RIMS1: variants seen among roughly 807,000 people sequenced by gnomAD.
RIMS1 encodes the protein regulating synaptic membrane exocytosis 1, also known as regulating synaptic membrane exocytosis protein 1.
In RIMS1, 83 loss-of-function variants were observed where a neutral mutation model predicts 214.1. That is an observed-to-expected ratio of 0.39 (90% confidence interval 0.32 to 0.47). The LOEUF (loss-of-function observed/expected upper bound fraction) is 0.47, where lower values mean the gene tolerates loss of function less well. Among genes scored for constraint, RIMS1 ranks in the 20% least tolerant of loss-of-function variants. The pLI, the probability that RIMS1 is intolerant of heterozygous loss-of-function variation, is 0.99. For missense variants in RIMS1, 2,050 were observed against 2,161.8 expected, an observed-to-expected ratio of 0.95 and a Z score of 1.03; for synonymous variants, 793 against 786.8, an observed-to-expected ratio of 1.01 and a Z score of -0.13.
At position 72,352,989 on chromosome 6, in the gene RIMS1, T is replaced by C. The variant is rs72935551; in HGVS notation, c.4366+19154T>C. The stretch of plus-strand genomic sequence containing the variant: ...AGAGTTTACATTCTTTTTTCTTTTT[T>C]TTTTTTTTTTTTTTTTTTGAGATGG... On this transcript the variant is annotated intron_variant, in intron 29 of 33. Transcript: ENST00000521978. Among the ~76,000 whole-genome samples, 73 of 91,342 alleles carry C rather than the reference T, an allele frequency of 8.0e-4. No homozygotes were observed. The South Asian group carries it at 8.4e-3, about 10-fold the overall frequency. 59.9% of individuals were successfully genotyped at this position (91,342 alleles called of 152,430 possible). A position where few individuals can be genotyped will look rare whatever the true frequency, so the allele number is the denominator to read the frequency against.
At chr6:72,148,749 T>C in intron 4 of RIMS1, 1 of 425,368 alleles carries the variant, frequency 2.4e-6, no homozygotes, top group Admixed American at 2.8e-5. Flanking sequence ...AATCGAAAGC[T>C]CAGGATTGAG....
chr6:71,953,056 G>A (rs1373186758), intron 1 of RIMS1, among the ~76,000 whole-genome samples: 3 of 150,470 alleles, frequency 2.0e-5, no homozygotes, highest in Non-Finnish European at 3.0e-5. Flanking sequence ...GTGCGATCTC[G>A]GCTCACTTCA....
At chr6:72,005,223 G>T (rs1182702957) in intron 2 of RIMS1, among the ~76,000 whole-genome samples, 3 of 152,106 alleles carry the variant, frequency 2.0e-5, no homozygotes, top group African/African-American at 7.2e-5. Flanking sequence ...CTGTTCCATT[G>T]GTCTATATCT....
intron 16 of RIMS1, among the ~76,000 whole-genome samples, chr6:72,256,079 G>A (rs959458856): frequency 6.7e-6 from 1 of 150,346 alleles, no homozygotes; most frequent in Non-Finnish European, 1.5e-5. Flanking sequence ...AAGATAGAGT[G>A]CATGTTGTCA....
At chr6:72,364,376 A>G (rs2097919210) in intron 29 of RIMS1, among the ~76,000 whole-genome samples, 1 of 152,190 alleles carries the variant, frequency 6.6e-6, no homozygotes, top group Non-Finnish European at 1.5e-5. Flanking sequence ...TATTCCATAG[A>G]GCATGAGTAT....
At chr6:72,060,800 A>G (rs1358127699) in intron 2 of RIMS1, among the ~76,000 whole-genome samples, 2 of 152,222 alleles carry the variant, frequency 1.3e-5, no homozygotes, top group African/African-American at 2.4e-5. Flanking sequence ...ATAATCTTTT[A>G]TACTGAAATT....
intron 4 of RIMS1, among the ~76,000 whole-genome samples, chr6:72,106,782 T>C (rs2034838153): frequency 6.6e-6 from 1 of 152,216 alleles, no homozygotes; most frequent in Admixed American, 6.5e-5. Flanking sequence ...CTGAAATCTA[T>C]GTATTTTAGT....
At chr6:72,265,893 A>G (rs2080297504) in intron 21 of RIMS1, 67 bp from the exon 22 acceptor site, 3 of 1,118,842 alleles carry the variant, frequency 2.7e-6, no homozygotes, top group South Asian at 2.8e-5. Flanking sequence ...ACTCTCTAAC[A>G]TGGTCTTCCT....
At chr6:72,325,344 A>G (rs997993721) in intron 28 of RIMS1, among the ~76,000 whole-genome samples, 2 of 151,780 alleles carry the variant, frequency 1.3e-5, no homozygotes, top group African/African-American at 2.4e-5. Flanking sequence ...GTGATTATGC[A>G]TATAGGAAAT....
chr6:72,238,589 G>A (rs2065300425), intron 9 of RIMS1, among the ~76,000 whole-genome samples: 1 of 151,846 alleles, frequency 6.6e-6, no homozygotes, highest in Non-Finnish European at 1.5e-5. Context: ...ATCCATTTTT[G>A]GTAAATTGTT....
chr6:72,235,599 C>T lies in RIMS1; in HGVS notation c.1747-19C>T, dbSNP rs1258752192. 1.2e-5 allele frequency: 18 copies of T among 1,522,678 alleles called. No individual in the cohort carries two copies. Among genetic ancestry groups the T allele is most frequent in the Non-Finnish European group, 1.5e-5 (17 of 1,103,538 alleles). The allele number at this position is 1,522,678 out of a possible 1,614,324, so 94.3% of individuals were successfully genotyped here. A position where few individuals can be genotyped will look rare whatever the true frequency, so the allele number is the denominator to read the frequency against. On this transcript the variant is annotated intron_variant, in intron 7 of 33. Transcript: ENST00000521978. ...CATTCTGTATATATTACTTTTTAAA[C>T]TCATTCATGTTTTAACAGCATCCTG...
intron 1 of RIMS1, among the ~76,000 whole-genome samples, chr6:71,933,682 T>TCACACA (rs10642216): frequency 0.16 from 22,462 of 139,040 alleles, 1,863 homozygotes; most frequent in South Asian, 0.26. Context: ...TCTTCCTCAA[T>TCACACA]CACACACACA....
At chr6:71,966,279 T>C (rs1226287989) in intron 1 of RIMS1, among the ~76,000 whole-genome samples, 2 of 152,254 alleles carry the variant, frequency 1.3e-5, no homozygotes, top group Non-Finnish European at 2.9e-5. Flanking sequence ...GGAAAATGTG[T>C]TGTTTTCCTG....
chr6:71,958,001 G>T (rs1011486117), intron 1 of RIMS1, among the ~76,000 whole-genome samples: 3 of 152,122 alleles, frequency 2.0e-5, no homozygotes, highest in Non-Finnish European at 4.4e-5. Context: ...GGGCAGAGCT[G>T]TATAAAGGCT....
At chr6:72,064,295 G>A (rs1009142011) in intron 2 of RIMS1, among the ~76,000 whole-genome samples, 2 of 151,104 alleles carry the variant, frequency 1.3e-5, no homozygotes, top group Non-Finnish European at 2.9e-5. Flanking sequence ...TCCAGCCTGG[G>A]CAACAAGAGC....
intron 28 of RIMS1, among the ~76,000 whole-genome samples, chr6:72,323,055 A>T (rs2096257838): frequency 6.6e-6 from 1 of 152,006 alleles, no homozygotes; most frequent in Admixed American, 6.6e-5. Flanking sequence ...GGTATGACAA[A>T]CACTTTTGAT....
At chr6:72,364,898 T>C (rs2097939261) in intron 29 of RIMS1, among the ~76,000 whole-genome samples, 1 of 152,220 alleles carries the variant, frequency 6.6e-6, no homozygotes, top group South Asian at 2.1e-4. Flanking sequence ...TCTTCAGGCC[T>C]GCTTTCCTTA....
intron 10 of RIMS1, among the ~76,000 whole-genome samples, chr6:72,242,746 A>G (rs1053266118): frequency 2.0e-5 from 3 of 151,860 alleles, no homozygotes; most frequent in Non-Finnish European, 4.4e-5. Flanking sequence ...AAGTAATTCT[A>G]ATTTAATAAG....
At chr6:72,061,246 C>G (rs1445205407) in intron 2 of RIMS1, among the ~76,000 whole-genome samples, 2 of 151,976 alleles carry the variant, frequency 1.3e-5, no homozygotes, top group Non-Finnish European at 2.9e-5. Flanking sequence ...CATTATAATA[C>G]TATCATATAC....
Sources: allele counts gnomAD v4.1 joint callset (sites outside exome capture counted in the v4.1 genomes callset), GRCh38; gene constraint gnomAD v4.1.1; transcripts MANE v1.5; gene names NCBI Gene and HGNC (gene_info 2026-07-23, HGNC 2026-07-21).